Variants in CDCA3 observed in about 807,000 individuals in gnomAD.
CDCA3 encodes the protein cell division cycle associated 3.
A neutral mutation model predicts 29.1 loss-of-function variants in CDCA3; 16 were observed. The ratio of observed to expected loss-of-function variants is 0.55; its 90% CI spans 0.37 to 0.83. The LOEUF is 0.83. CDCA3 is among the 40% of genes least tolerant of loss of function. CDCA3 has a pLI of 0.00. For missense variants in CDCA3, 291 were observed against 327.2 expected (o/e 0.89, Z 0.85); for synonymous variants, 88 against 124.5 (o/e 0.71, Z 1.95).
downstream of CDCA3, chr12:6,846,492 CA>C: frequency 3.5e-6 from 1 of 289,554 alleles, no homozygotes; most frequent in Non-Finnish European, 6.5e-6. Flanking sequence ...AGCCCTCCCC[CA>C]ACCAAAGCTC....
In CDCA3 at chr12:6,849,070, A is replaced by G; in HGVS notation, c.780T>C (p.Asn260=). Residue 260 remains asparagine, a synonymous_variant, in exon 6 of 6, where the codon AAT becomes AAC. Transcript: ENST00000538862. The surrounding 1 kb of genome is among the most constrained non-coding windows in gnomAD (Gnocchi z 5.2). ...WEQGQDHDKE[N]QHFPLVES ...AGCTCTCCACCAAGGGAAAGTGCTGATTTTCCTTGTCATGGTCCTGGCCTT... is the reference window on the plus strand; with the variant it reads ...AGCTCTCCACCAAGGGAAAGTGCTGGTTTTCCTTGTCATGGTCCTGGCCTT... 1 of 1,227,580 alleles carries G rather than the reference A, an allele frequency of 8.1e-7. No homozygotes were observed. Among genetic ancestry groups the G allele is most frequent in the South Asian group, 1.2e-5 (1 of 83,314 alleles). 76.0% of individuals were successfully genotyped at this position (1,227,580 alleles called of 1,614,324 possible).
Position 6,850,570 on chromosome 12 carries a change from T to G in CDCA3, c.147A>C (p.Leu49=), listed in dbSNP as rs782380641. 6.2e-7 allele frequency: 1 copy of G among 1,614,088 alleles called. No homozygotes were observed. The highest frequency in any genetic ancestry group is 2.2e-5 in the East Asian group (1 of 44,888). Residue 49 remains leucine, a synonymous_variant, in exon 3 of 6, where the codon CTA becomes CTC. Coordinates refer to ENST00000538862, the MANE Select transcript of CDCA3 (RefSeq NM_031299.7). This position sits in a 1 kb window ranked among gnomAD's most constrained non-coding sequence, Gnocchi z 4.7. ...GACCCTCCAGTTGCTCCCCTGCTGG[T>G]AGGCCTGGCTGTGGAGAGCTCTCCA... is the stretch of plus-strand genomic sequence containing the variant. ...IQVESSPQPG[L]PAGEQLEGLK...
chr12:6,849,061 A>G lies in CDCA3; in HGVS notation c.789T>C (p.Phe263=), dbSNP rs781965657. The G allele has an allele frequency of 8.1e-6, 9 of 1,106,544 alleles. No homozygotes were observed. In the Admixed American group the frequency reaches 1.2e-4, roughly 14 times the overall value. The allele number at this position is 1,106,544 out of a possible 1,614,324, so 68.5% of individuals were successfully genotyped here. The change falls in exon 6 of 6, where the codon TTT becomes TTC. Residue 263 remains phenylalanine, a synonymous_variant. Transcript: ENST00000538862. This position sits in a 1 kb window ranked among gnomAD's most constrained non-coding sequence, Gnocchi z 5.2. ...GCAGGGCCTAGCTCTCCACCAAGGG[A>G]AAGTGCTGATTTTCCTTGTCATGGT... ...GQDHDKENQH[F]PLVES is the part of the protein sequence containing the mutation.
Position 6,849,327 on chromosome 12 carries a change from C to T in CDCA3, c.647G>A (p.Arg216Gln), listed in dbSNP as rs1322261982. The T allele has an allele frequency of 5.6e-6, 9 of 1,599,306 alleles. No homozygotes were observed. In the South Asian group the frequency reaches 5.6e-5, roughly 10 times the overall value. ...TTGCACTTTCTCTTCCTTTACCTGTCGTAGTGTCAGGGTGCCAGGGGAGTT... is the reference window on the plus strand; with the variant it reads ...TTGCACTTTCTCTTCCTTTACCTGTTGTAGTGTCAGGGTGCCAGGGGAGTT... ...DDNSPGTLTLRQGKRPSPLSE... is the reference protein window; with the variant it reads ...DDNSPGTLTLQQGKRPSPLSE... Residue 216 changes from arginine (R) to glutamine (Q), a missense_variant, in exon 5 of 6, where the codon CGA (arginine) becomes CAA (glutamine). By Grantham distance (43) the Arg-to-Gln change is conservative (BLOSUM62 1). Transcript: ENST00000538862. This position sits in a 1 kb window ranked among gnomAD's most constrained non-coding sequence, Gnocchi z 5.2.
At position 6,850,192 on chromosome 12, in the gene CDCA3, A is replaced by AT. The variant is rs1249470890; in HGVS notation, c.250+274dup. 3.3e-5 allele frequency: 17 copies of AT among 512,072 alleles called. No homozygotes were observed. The highest frequency in any genetic ancestry group is 5.8e-5 in the African/African-American group (3 of 51,924). 31.7% of individuals were successfully genotyped at this position (512,072 alleles called of 1,614,324 possible). ...GTGTGTGTGTGTGTTATGTGTGTGT[A>AT]TTTTTTCTAGAGATGGGGTTTTGCC... On this transcript the variant is annotated intron_variant, in intron 3 of 5. Transcript: ENST00000538862. This position sits in a 1 kb window ranked among gnomAD's most constrained non-coding sequence, Gnocchi z 4.7.
chr12:6,848,614 A>C (rs1943751249), downstream of CDCA3: 1 of 161,280 alleles, frequency 6.2e-6, no homozygotes, highest in Admixed American at 6.3e-5. Context: ...TTAGAGAGAG[A>C]GACCTGAAAG....
chr12:6,846,605 G>T (rs115483519), downstream of CDCA3: 294 of 520,576 alleles, frequency 5.6e-4, 1 homozygote, highest in African/African-American at 5.2e-3. Flanking sequence ...CTGCATGCAT[G>T]TGCTCAAGCA....
downstream of CDCA3, chr12:6,844,932 CAACAT>C (rs1555124234): frequency 6.6e-6 from 1 of 152,202 alleles, no homozygotes; most frequent in Admixed American, 6.5e-5. Flanking sequence ...TCAGGAAACT[CAACAT>C]TGACACAATA....
chr12:6,850,161 TTGTGTGTG>T lies in CDCA3; in HGVS notation c.250+298_251-304del. The T allele has an allele frequency of 2.3e-6, 1 of 429,456 alleles. No individual in the cohort carries two copies. Among genetic ancestry groups the T allele is most frequent in the Admixed American group, 3.8e-5 (1 of 26,306 alleles). The allele number at this position is 429,456 out of a possible 1,614,324, so 26.6% of individuals were successfully genotyped here. The stretch of plus-strand genomic sequence containing the variant: ...ATCACAGGCCCATGCCACCGTGCTT[TTGTGTGTG>T]TGTGTGTGTGTTATGTGTGTGTATT... On this transcript the variant is annotated intron_variant, in intron 3 of 5. Transcript: ENST00000538862. This position sits in a 1 kb window ranked among gnomAD's most constrained non-coding sequence, Gnocchi z 4.7.
In CDCA3 at chr12:6,849,507, C is replaced by T; in HGVS notation, c.544+58G>A. ...ATTCCTCCCACACTCACCCATGGAC[C>T]TTATCCCAAAACATTATCCTAGTTT... On this transcript the variant is annotated intron_variant, in intron 4 of 5. Transcript: ENST00000538862. This position sits in a 1 kb window ranked among gnomAD's most constrained non-coding sequence, Gnocchi z 5.2. 1 of 1,565,794 alleles carries T rather than the reference C, an allele frequency of 6.4e-7. No homozygotes were observed. Among genetic ancestry groups the T allele is most frequent in the Non-Finnish European group, 8.7e-7 (1 of 1,153,620 alleles).
At position 6,849,257 on chromosome 12, in the gene CDCA3, G is replaced by A; in HGVS notation, c.652-59C>T. The stretch of plus-strand genomic sequence containing the variant: ...GCTGTTCAGAAGAGGGAAGATCTGG[G>A]TAAAAGGGTCTCCCACCCTCTACGT... On this transcript the variant is annotated intron_variant, in intron 5 of 5. Coordinates refer to ENST00000538862, the MANE Select transcript of CDCA3 (RefSeq NM_031299.7). This position sits in a 1 kb window ranked among gnomAD's most constrained non-coding sequence, Gnocchi z 5.2. 2 of 1,607,598 alleles carry A rather than the reference G, an allele frequency of 1.2e-6. No individual in the cohort carries two copies. The highest frequency in any genetic ancestry group is 1.7e-6 in the Non-Finnish European group (2 of 1,175,744).
chr12:6,848,301 G>T (rs1257121053), downstream of CDCA3: 1 of 152,390 alleles, frequency 6.6e-6, no homozygotes, highest in Non-Finnish European at 1.5e-5. Flanking sequence ...GCAGTGAGCT[G>T]TGATCGTGCC....
rs782009387 is a variant in CDCA3, at chr12:6,850,476, T to G, written c.241A>C (p.Ser81Arg). 22 of 1,614,166 alleles carry G rather than the reference T, an allele frequency of 1.4e-5. No individual in the cohort carries two copies. The highest frequency in any genetic ancestry group is 1.9e-5 in the Non-Finnish European group (22 of 1,180,022). Residue 81 changes from serine to arginine, a missense_variant, in exon 3 of 6, where the codon AGC becomes CGC. By Grantham distance (110) the Ser-to-Arg change is moderately radical. Coordinates refer to ENST00000538862, the MANE Select transcript of CDCA3 (RefSeq NM_031299.7). The surrounding 1 kb of genome is among the most constrained non-coding windows in gnomAD (Gnocchi z 4.7). ...TGGGCCCAACGCTTACCTCCACTGC[T>G]GGTCTTCATAGGTGTCCGTGCAATA... is the stretch of plus-strand genomic sequence containing the variant. ...LGIARTPMKT[S>R]SGDPPSPLVK...
rs199570707 is a variant in CDCA3 at position 6,849,852 on chromosome 12, G to T, written c.257C>A (p.Pro86Gln). The change falls in exon 4 of 6, where the codon CCA (proline) becomes CAA (glutamine). Residue 86 changes from proline (P) to glutamine (Q), a missense_variant. Physicochemically the swap from Pro to Gln is moderately conservative, Grantham distance 76 (BLOSUM62 -1). Transcript: ENST00000538862. The surrounding 1 kb of genome is among the most constrained non-coding windows in gnomAD (Gnocchi z 5.2). ...TPMKTSSGDP[P>Q]SPLVKQLSEV... ...ACTCAGCTGTTTCACCAGTGGGCTT[G>T]GGGGGTCTAGAGGAAGAAAGTGAAG... The T allele has an allele frequency of 4.0e-5, 61 of 1,532,162 alleles. No individual in the cohort carries two copies. The highest frequency in any genetic ancestry group is 4.9e-5 in the Non-Finnish European group (56 of 1,138,646). 94.9% of individuals were successfully genotyped at this position (1,532,162 alleles called of 1,614,324 possible). A position where few individuals can be genotyped will look rare whatever the true frequency, so the allele number is the denominator to read the frequency against.
rs1012136844 is a variant in CDCA3 at position 6,850,823 on chromosome 12, C to G, written c.120+10G>C. The G allele has an allele frequency of 6.2e-7, 1 of 1,612,934 alleles. No individual in the cohort carries two copies. Among genetic ancestry groups the G allele is most frequent in the African/African-American group, 1.3e-5 (1 of 74,932 alleles). ...ACATTCTCTGCCTTTCCCACGCTGG[C>G]CCAGAGTACCTGGATGGGAGTGCGC... On this transcript the variant is annotated intron_variant, in intron 2 of 5. Coordinates refer to ENST00000538862, the MANE Select transcript of CDCA3 (RefSeq NM_031299.7). This position sits in a 1 kb window ranked among gnomAD's most constrained non-coding sequence, Gnocchi z 4.7.
At chr12:6,847,559 G>A (rs79342713), downstream of CDCA3, among the ~76,000 whole-genome samples, 3,977 of 152,286 alleles carry the variant, frequency 0.026, 161 homozygotes, top group African/African-American at 0.082. Context: ...TATTCAGCAG[G>A]TGGCTGGGGG....
chr12:6,849,102 A>T lies in CDCA3; in HGVS notation c.748T>A (p.Trp250Arg), dbSNP rs1333476903. Residue 250 changes from tryptophan (W) to arginine (R), a missense_variant, in exon 6 of 6, where the codon TGG (tryptophan) becomes AGG (arginine). Transcript: ENST00000538862. The surrounding 1 kb of genome is among the most constrained non-coding windows in gnomAD (Gnocchi z 5.2). The part of the protein sequence containing the change: ...GRLLKTGGRA[W>R]EQGQDHDKEN... Reference sequence around the variant, plus strand: ...TTGTCATGGTCCTGGCCTTGCTCCCATGCTCGTCCTCCAGTTTTCAGAAGT... The same window carrying T: ...TTGTCATGGTCCTGGCCTTGCTCCCTTGCTCGTCCTCCAGTTTTCAGAAGT... 6.7e-7 allele frequency: 1 copy of T among 1,494,422 alleles called. No individual in the cohort carries two copies. The highest frequency in any genetic ancestry group is 1.4e-5 in the African/African-American group (1 of 72,566). The allele number at this position is 1,494,422 out of a possible 1,614,324, so 92.6% of individuals were successfully genotyped here. A position where few individuals can be genotyped will look rare whatever the true frequency, so the allele number is the denominator to read the frequency against.
chr12:6,849,218 A>T lies in CDCA3; in HGVS notation c.652-20T>A. 1 of 1,613,660 alleles carries T rather than the reference A, an allele frequency of 6.2e-7. No individual in the cohort carries two copies. The highest frequency in any genetic ancestry group is 8.5e-7 in the Non-Finnish European group (1 of 1,179,696). The stretch of plus-strand genomic sequence containing the variant: ...CTTACCCTGAAAACGGCAGTGTATG[A>T]GTTGGGGGGAGTTGCTGTTCAGAAG... On this transcript the variant is annotated intron_variant, in intron 5 of 5. Transcript: ENST00000538862. This position sits in a 1 kb window ranked among gnomAD's most constrained non-coding sequence, Gnocchi z 5.2.
At position 6,850,355 on chromosome 12, in the gene CDCA3, G is replaced by A. The variant is rs902170790; in HGVS notation, c.250+112C>T. ...ATTGAGATAAGAGTGAGATGGGTCC[G>A]AAGCAGGAGGATAGAGGCCCCTTTA... On this transcript the variant is annotated intron_variant, in intron 3 of 5. Coordinates refer to ENST00000538862, the MANE Select transcript of CDCA3 (RefSeq NM_031299.7). The surrounding 1 kb of genome is among the most constrained non-coding windows in gnomAD (Gnocchi z 4.7). 8.7e-6 allele frequency: 12 copies of A among 1,375,290 alleles called. 1 individual carries two copies. Among genetic ancestry groups the A allele is most frequent in the South Asian group, 3.8e-5 (3 of 78,220 alleles). 85.2% of individuals were successfully genotyped at this position (1,375,290 alleles called of 1,614,324 possible). A position where few individuals can be genotyped will look rare whatever the true frequency, so the allele number is the denominator to read the frequency against.
Sources: gnomAD v4.1 joint callset for allele counts (sites outside exome capture counted in the v4.1 genomes callset) on GRCh38, gnomAD v4.1.1 for gene constraint, Gnocchi (gnomAD v3.1) non-coding constraint, MANE v1.5 for transcripts, NCBI Gene and HGNC (gene_info 2026-07-23, HGNC 2026-07-21) for gene names.